The following C8orf34 variants were observed in gnomAD, a reference collection of about 807,000 sequenced individuals.
C8orf34 encodes the protein uncharacterized protein C8orf34.
In C8orf34, 65 loss-of-function variants were observed where a neutral mutation model predicts 68.3. The ratio of observed to expected loss-of-function variants is 0.95; its 90% CI spans 0.78 to 1.17. The LOEUF is 1.17. Ranked by LOEUF, C8orf34 falls within the 50% of genes most tolerant of loss-of-function variation. C8orf34 has a pLI of 0.00. For synonymous variants in C8orf34, 244 were observed against 241.2 expected (o/e 1.01, Z -0.11); for missense variants, 664 against 655.4 (o/e 1.01, Z -0.14).
At chr8:68,587,617 A>C (rs1024560009) in intron 7 of C8orf34, among the ~76,000 whole-genome samples, 7 of 152,146 alleles carry the variant, frequency 4.6e-5, no homozygotes, top group East Asian at 3.8e-4. Context: ...AAAACTAAGA[A>C]AATGAAATTA....
intron 10 of C8orf34, 59 bp downstream of exon 10, chr8:68,721,496 A>G: frequency 9.2e-7 from 1 of 1,087,800 alleles, no homozygotes; most frequent in Non-Finnish European, 1.4e-6. Flanking sequence ...AATTACTAGT[A>G]GGTAAATCTA....
At chr8:68,538,600 GA>G (rs895500953) in intron 7 of C8orf34, among the ~76,000 whole-genome samples, 50 of 148,352 alleles carry the variant, frequency 3.4e-4, no homozygotes, top group South Asian at 1.7e-3. Flanking sequence ...ACAGACAAAG[GA>G]AAAAAAAAGC....
chr8:68,788,417 A>C (rs1017274788), intron 12 of C8orf34, among the ~76,000 whole-genome samples: 1 of 152,196 alleles, frequency 6.6e-6, no homozygotes, highest in Non-Finnish European at 1.5e-5. Context: ...ATGTGGTCAG[A>C]GGGAGCACAG....
intron 7 of C8orf34, among the ~76,000 whole-genome samples, chr8:68,610,138 T>C (rs1395062681): frequency 2.0e-5 from 3 of 152,212 alleles, no homozygotes; most frequent in Admixed American, 6.5e-5. Flanking sequence ...ATATGCAATA[T>C]GGAATTTTTT....
chr8:68,799,863 A>G (rs999600558), intron 12 of C8orf34, among the ~76,000 whole-genome samples: 3 of 152,188 alleles, frequency 2.0e-5, no homozygotes, highest in African/African-American at 7.2e-5. Context: ...TCATGAGGCA[A>G]ATGGTGTTTG....
intron 7 of C8orf34, among the ~76,000 whole-genome samples, chr8:68,614,384 T>A (rs1014919431): frequency 6.6e-6 from 1 of 152,314 alleles, no homozygotes; most frequent in South Asian, 2.1e-4. Context: ...TCCTGAATGG[T>A]AATGCCTAGG....
At chr8:68,595,819 A>G (rs974576241) in intron 7 of C8orf34, among the ~76,000 whole-genome samples, 3 of 152,092 alleles carry the variant, frequency 2.0e-5, no homozygotes, top group Admixed American at 2.0e-4. Context: ...GAAATGCTTA[A>G]AATTATTTTC....
chr8:68,536,003 G>A (rs16934706), intron 7 of C8orf34, among the ~76,000 whole-genome samples: 1 of 151,802 alleles, frequency 6.6e-6, no homozygotes, highest in East Asian at 1.9e-4. Context: ...ATGAAAAAAA[G>A]GTTATAGAAA....
intron 7 of C8orf34, among the ~76,000 whole-genome samples, chr8:68,544,962 A>G (rs1586352924): frequency 6.6e-6 from 1 of 152,210 alleles, no homozygotes; most frequent in Non-Finnish European, 1.5e-5. Flanking sequence ...AATAATGGAA[A>G]AAAACATTTT....
intron 7 of C8orf34, among the ~76,000 whole-genome samples, chr8:68,579,860 C>A (rs564198200): frequency 6.6e-6 from 1 of 152,244 alleles, no homozygotes; most frequent in African/African-American, 2.4e-5. Context: ...TGTCACTTTT[C>A]TTTCTTGATC....
chr8:68,780,836 A>G (rs1823654033), intron 11 of C8orf34, among the ~76,000 whole-genome samples: 1 of 152,216 alleles, frequency 6.6e-6, no homozygotes, highest in Non-Finnish European at 1.5e-5. Flanking sequence ...AAAGTTATTT[A>G]CAAACTTTAC....
At chr8:68,419,928 T>C (rs1563422993) in intron 1 of C8orf34, among the ~76,000 whole-genome samples, 1 of 147,414 alleles carries the variant, frequency 6.8e-6, no homozygotes. Context: ...TGTATACATA[T>C]GTAACTAACC....
intron 3 of C8orf34, among the ~76,000 whole-genome samples, chr8:68,467,107 C>T (rs1812181491): frequency 6.6e-6 from 1 of 151,814 alleles, no homozygotes; most frequent in Non-Finnish European, 1.5e-5. Flanking sequence ...GGTTCTCTTC[C>T]TTTTTAAATT....
Position 68,636,578 on chromosome 8 carries a change from C to T in C8orf34, c.1106-3798C>T, listed in dbSNP as rs149743772. On this transcript the variant is annotated intron_variant, in intron 7 of 13. Transcript: ENST00000518698. ...CTTACCTGGGTGACAGAGCGAGACT[C>T]TGTCTCAATAAAAAATAAATGATTG... Among the ~76,000 whole-genome samples the T allele has an allele frequency of 1.4e-4, 22 of 152,134 alleles. No individual in the cohort carries two copies. The East Asian group carries it at 4.1e-3, about 28-fold the overall frequency.
At chr8:68,478,196 TAA>T (rs1033385433) in intron 4 of C8orf34, among the ~76,000 whole-genome samples, 22 of 149,636 alleles carry the variant, frequency 1.5e-4, no homozygotes, top group African/African-American at 5.1e-4. Flanking sequence ...CTTTTAAACA[TAA>T]GTTTCAATTT....
At chr8:68,768,425 A>G (rs886524142) in intron 10 of C8orf34, among the ~76,000 whole-genome samples, 11 of 152,278 alleles carry the variant, frequency 7.2e-5, no homozygotes, top group East Asian at 1.9e-4. Context: ...CATTATTTCT[A>G]TCTCTTTTCA....
intron 5 of C8orf34, among the ~76,000 whole-genome samples, chr8:68,517,009 G>C (rs1814547624): frequency 6.6e-6 from 1 of 152,056 alleles, no homozygotes; most frequent in African/African-American, 2.4e-5. Context: ...ATACTTGAAA[G>C]GGCAAAGGAA....
At chr8:68,688,540 TATTTACAATTGCA>T (rs368110478) in intron 8 of C8orf34, among the ~76,000 whole-genome samples, 5 of 152,186 alleles carry the variant, frequency 3.3e-5, no homozygotes, top group African/African-American at 1.2e-4. Flanking sequence ...ATTGCAGCAA[TATTTACAATTGCA>T]ATTTACAATT....
intron 1 of C8orf34, among the ~76,000 whole-genome samples, chr8:68,366,881 A>G (rs1433256190): frequency 1.4e-5 from 2 of 139,578 alleles, no homozygotes; most frequent in African/African-American, 5.4e-5. Flanking sequence ...TGGCAACAAA[A>G]GACAAAATTG....
Sources: allele counts gnomAD v4.1 joint callset (sites outside exome capture counted in the v4.1 genomes callset), GRCh38; gene constraint gnomAD v4.1.1; transcripts MANE v1.5; gene names NCBI Gene and HGNC (gene_info 2026-07-23, HGNC 2026-07-21).